The following INTS9 variants were observed in gnomAD, a reference collection of about 807,000 sequenced individuals.
The protein encoded by INTS9 is protein related to CPSF subunits of 74 kDa.
A neutral mutation model predicts 79.7 loss-of-function variants in INTS9; 55 were observed. The ratio of observed to expected loss-of-function variants is 0.69; its 90% CI spans 0.56 to 0.86. INTS9 has a LOEUF of 0.86. INTS9 is among the 40% of genes least tolerant of loss of function. The pLI is 0.00. For synonymous variants in INTS9, 319 were observed against 325.2 expected (o/e 0.98, Z 0.20); for missense variants, 721 against 831.5 (o/e 0.87, Z 1.64).
intron 1 of INTS9, among the ~76,000 whole-genome samples, chr8:28,871,412 AC>A (rs1809086737): frequency 6.6e-6 from 1 of 152,030 alleles, no homozygotes; most frequent in South Asian, 2.1e-4. Flanking sequence ...GTAGGAGATA[AC>A]TTTTTTTTTG....
chr8:28,804,675 C>T (rs1804707702), intron 8 of INTS9, among the ~76,000 whole-genome samples: 1 of 152,174 alleles, frequency 6.6e-6, no homozygotes, highest in Admixed American at 6.5e-5. Context: ...CAAACAAGAA[C>T]ACCAAGGAAG....
At chr8:28,793,167 C>A (rs1009467087) in intron 10 of INTS9, among the ~76,000 whole-genome samples, 3 of 152,204 alleles carry the variant, frequency 2.0e-5, no homozygotes, top group African/African-American at 7.2e-5. Context: ...GCAGCCTAGA[C>A]TGCCTGTGTC....
intron 11 of INTS9, among the ~76,000 whole-genome samples, chr8:28,782,199 G>A (rs944542717): frequency 6.6e-6 from 1 of 152,202 alleles, no homozygotes; most frequent in African/African-American, 2.4e-5. Flanking sequence ...AACATATTCA[G>A]ATTGTTATGG....
At chr8:28,787,936 T>C in intron 10 of INTS9, 47 bp from the exon 11 acceptor site, 1 of 1,367,898 alleles carries the variant, frequency 7.3e-7, no homozygotes, top group Non-Finnish European at 1.0e-6. Context: ...GAGCATACGG[T>C]GGCATCTGTT....
intron 1 of INTS9, among the ~76,000 whole-genome samples, chr8:28,884,248 C>A (rs980659400): frequency 3.3e-5 from 4 of 122,168 alleles, no homozygotes; most frequent in African/African-American, 1.3e-4. Context: ...TGCAGAGGTG[C>A]AATCAGCTCA....
intron 6 of INTS9, 29 bp downstream of exon 6, chr8:28,835,263 T>G (rs767068538): frequency 3.3e-6 from 5 of 1,529,532 alleles, no homozygotes; most frequent in African/African-American, 1.4e-5. Context: ...CTCTACAGTC[T>G]CTCGGTAAGA....
chr8:28,828,752 G>A (rs2131140860), intron 6 of INTS9, among the ~76,000 whole-genome samples: 1 of 151,926 alleles, frequency 6.6e-6, no homozygotes, highest in South Asian at 2.1e-4. Context: ...AGACTGGAGT[G>A]CAATGGCACG....
At chr8:28,838,409 AG>A (rs1284728604) in intron 4 of INTS9, among the ~76,000 whole-genome samples, 1 of 152,104 alleles carries the variant, frequency 6.6e-6, no homozygotes, top group African/African-American at 2.4e-5. Context: ...TCATGTAAAA[AG>A]GGAGAAAAGA....
intron 1 of INTS9, among the ~76,000 whole-genome samples, chr8:28,862,526 A>C (rs1808514991): frequency 6.6e-6 from 1 of 152,194 alleles, no homozygotes; most frequent in Admixed American, 6.5e-5. Flanking sequence ...TTAGTGCGTA[A>C]GTCTTTTTCC....
At chr8:28,797,214 C>G (rs1471576461) in intron 8 of INTS9, among the ~76,000 whole-genome samples, 1 of 152,132 alleles carries the variant, frequency 6.6e-6, no homozygotes, top group South Asian at 2.1e-4. Flanking sequence ...GAGAAGCATA[C>G]GTTATAGAAT....
intron 9 of INTS9, 24 bp downstream of exon 9, chr8:28,796,520 G>C (rs761121806): frequency 3.1e-6 from 4 of 1,271,306 alleles, no homozygotes; most frequent in Admixed American, 1.7e-5. Flanking sequence ...ATCATCCAAC[G>C]TAAGATGAGA....
intron 8 of INTS9, among the ~76,000 whole-genome samples, chr8:28,810,652 T>C (rs909687585): frequency 6.6e-6 from 1 of 152,150 alleles, no homozygotes; most frequent in African/African-American, 2.4e-5. Flanking sequence ...AAATGTAATA[T>C]GGACTTCCAC....
chr8:28,840,752 T>G, intron 4 of INTS9, among the ~76,000 whole-genome samples: 1 of 120,304 alleles, frequency 8.3e-6, no homozygotes, highest in African/African-American at 3.3e-5. Flanking sequence ...TGAGAACACA[T>G]GGACACAGGA....
chr8:28,787,793 C>A (rs1803698633), intron 11 of INTS9, 36 bp downstream of exon 11: 1 of 1,509,432 alleles, frequency 6.6e-7, no homozygotes, highest in East Asian at 2.3e-5. Context: ...ATCCACATTG[C>A]TTCCTTCCCA....
intron 3 of INTS9, among the ~76,000 whole-genome samples, chr8:28,847,610 GAAAT>G (rs1302848945): frequency 6.6e-6 from 1 of 152,132 alleles, no homozygotes; most frequent in African/African-American, 2.4e-5. Context: ...TTATTCAAAA[GAAAT>G]AAGCATATGT....
intron 1 of INTS9, among the ~76,000 whole-genome samples, chr8:28,888,671 A>G (rs962843096): frequency 2.0e-5 from 3 of 152,222 alleles, no homozygotes; most frequent in African/African-American, 7.2e-5. Context: ...ACACTGACCC[A>G]GGGGTAAGTT....
At chr8:28,854,126 C>T (rs1808011415) in intron 2 of INTS9, among the ~76,000 whole-genome samples, 1 of 151,910 alleles carries the variant, frequency 6.6e-6, no homozygotes, top group Non-Finnish European at 1.5e-5. Context: ...CTCCTGGGCT[C>T]AAGTCTCAGC....
intron 1 of INTS9, among the ~76,000 whole-genome samples, chr8:28,869,344 C>A (rs1808943461): frequency 6.6e-6 from 1 of 152,108 alleles, no homozygotes; most frequent in African/African-American, 2.4e-5. Context: ...CCATGCCCAG[C>A]CTAAATGTTT....
In INTS9 at chr8:28,856,456, C is replaced by G. The variant is rs536383323; in HGVS notation, c.137+2980G>C. On this transcript the variant is annotated intron_variant, in intron 2 of 16. Coordinates refer to ENST00000521022, the MANE Select transcript of INTS9 (RefSeq NM_018250.4). Reference sequence around the variant, plus strand: ...TTTGAGACACGGTCTCTCTCTCTCTCTGTCACCCAAGCTGGAGTGCGGTGG... The same window carrying G: ...TTTGAGACACGGTCTCTCTCTCTCTGTGTCACCCAAGCTGGAGTGCGGTGG... Among the ~76,000 whole-genome samples the G allele has an allele frequency of 5.7e-4, 87 of 152,234 alleles. 1 individual carries two copies. Among genetic ancestry groups the G allele is most frequent in the African/African-American group, 2.0e-3 (81 of 41,516 alleles).
Sources: allele counts gnomAD v4.1 joint callset (sites outside exome capture counted in the v4.1 genomes callset), GRCh38; gene constraint gnomAD v4.1.1; transcripts MANE v1.5; gene names NCBI Gene and HGNC (gene_info 2026-07-23, HGNC 2026-07-21).